The following C2orf92 variants were observed in gnomAD, a reference collection of about 807,000 sequenced individuals.
C2orf92 encodes uncharacterized protein C2orf92.
At chr2:97,669,225 T>G (rs1411161788), upstream of C2orf92, 3 of 152,350 alleles carry the variant, frequency 2.0e-5, no homozygotes, top group East Asian at 5.8e-4. Flanking sequence ...TCAATTGGTC[T>G]ATGCTATTTT....
chr2:97,698,186 T>G (rs933672497), intron 5 of C2orf92: 2 of 152,222 alleles, frequency 1.3e-5, no homozygotes, highest in African/African-American at 4.8e-5. Context: ...CCAAACAGAT[T>G]TCCCTGGAGC....
intron 5 of C2orf92, among the ~76,000 whole-genome samples, chr2:97,694,789 A>T (rs1258812172): frequency 6.6e-6 from 1 of 151,920 alleles, no homozygotes; most frequent in Non-Finnish European, 1.5e-5. Flanking sequence ...TTTGGTTTTA[A>T]TTTTCTGAGG....
intron 3 of C2orf92, among the ~76,000 whole-genome samples, chr2:97,682,734 T>C (rs1021130644): frequency 2.0e-5 from 3 of 151,554 alleles, no homozygotes; most frequent in South Asian, 2.1e-4. Flanking sequence ...GATGCAGATA[T>C]AGCATTTGAC....
intron 3 of C2orf92, among the ~76,000 whole-genome samples, chr2:97,679,338 C>G (rs1428197827): frequency 4.6e-5 from 7 of 152,088 alleles, no homozygotes; most frequent in Non-Finnish European, 1.0e-4. Flanking sequence ...AAGATAGACT[C>G]TGTAATAACA....
intron 3 of C2orf92, among the ~76,000 whole-genome samples, chr2:97,685,220 C>T (rs899318113): frequency 5.3e-5 from 8 of 151,078 alleles, no homozygotes; most frequent in South Asian, 4.2e-4. Context: ...TGAGCCACCA[C>T]GCCCGGCCTA....
intron 3 of C2orf92, among the ~76,000 whole-genome samples, chr2:97,679,190 G>C (rs1234599242): frequency 6.6e-6 from 1 of 151,458 alleles, no homozygotes; most frequent in African/African-American, 2.4e-5. Context: ...AAAAAATGCT[G>C]GTAAAGGTAA....
chr2:97,691,813 A>G (rs1676147616), intron 5 of C2orf92, among the ~76,000 whole-genome samples: 3 of 152,098 alleles, frequency 2.0e-5, no homozygotes, highest in Admixed American at 2.0e-4. Context: ...GCTTGAACCC[A>G]GGAGGCAGAG....
At chr2:97,696,991 G>A (rs957847538) in intron 5 of C2orf92, among the ~76,000 whole-genome samples, 1 of 152,192 alleles carries the variant, frequency 6.6e-6, no homozygotes, top group African/African-American at 2.4e-5. Context: ...TCATGAAGAT[G>A]AAAGACTTCA....
intron 4 of C2orf92, among the ~76,000 whole-genome samples, chr2:97,689,685 G>A (rs957712228): frequency 6.6e-6 from 1 of 152,204 alleles, no homozygotes; most frequent in African/African-American, 2.4e-5. Context: ...CAATTCCTGA[G>A]GGTAGTTTCC....
At chr2:97,676,433 C>CAAA (rs1302287547) in intron 3 of C2orf92, among the ~76,000 whole-genome samples, 14 of 31,116 alleles carry the variant, frequency 4.5e-4, no homozygotes, top group African/African-American at 2.1e-3. Context: ...GACTCCATCT[C>CAAA]AAAAAAAAAA....
chr2:97,665,701 C>G, upstream of C2orf92: 1 of 80,116 alleles, frequency 1.2e-5, no homozygotes, highest in Non-Finnish European at 2.1e-5. Context: ...GACTCTCTCT[C>G]TCTCTCTCTC....
chr2:97,692,613 T>C (rs1676175249), intron 5 of C2orf92, among the ~76,000 whole-genome samples: 1 of 152,160 alleles, frequency 6.6e-6, no homozygotes, highest in South Asian at 2.1e-4. Flanking sequence ...TTTCACCATG[T>C]TGGCCAGGCT....
intron 3 of C2orf92, among the ~76,000 whole-genome samples, chr2:97,687,113 T>C (rs1675988047): frequency 6.6e-6 from 1 of 151,616 alleles, no homozygotes; most frequent in African/African-American, 2.4e-5. Context: ...GCCTGTAATT[T>C]CAACACTTTG....
intron 5 of C2orf92, 23 bp from the exon 6 acceptor site, chr2:97,699,003 T>C (rs1676406555): frequency 2.5e-6 from 1 of 398,396 alleles, no homozygotes; most frequent in African/African-American, 2.1e-5. Context: ...TGTTTGTAGA[T>C]GAACACATTT....
intron 3 of C2orf92, among the ~76,000 whole-genome samples, chr2:97,678,209 A>G (rs1675645629): frequency 6.7e-6 from 1 of 149,946 alleles, no homozygotes; most frequent in South Asian, 2.1e-4. Flanking sequence ...CAAAAAAATA[A>G]AAAAAAAAAG....
chr2:97,701,549 C>G (rs1676498019), intron 7 of C2orf92, among the ~76,000 whole-genome samples: 1 of 152,218 alleles, frequency 6.6e-6, no homozygotes, highest in Non-Finnish European at 1.5e-5. Context: ...AGGGTTGCCT[C>G]TCAAGGCCAC....
At position 97,702,941 on chromosome 2, in the gene C2orf92, A is replaced by G. The variant is rs1348055435; in HGVS notation, c.*140A>G. 7.6e-6 allele frequency: 3 copies of G among 395,562 alleles called. No individual in the cohort carries two copies. Among genetic ancestry groups the G allele is most frequent in the African/African-American group, 6.2e-5 (3 of 48,578 alleles). 24.5% of individuals were successfully genotyped at this position (395,562 alleles called of 1,614,324 possible). On this transcript the variant is annotated 3_prime_UTR_variant, in exon 8 of 8. Coordinates refer to ENST00000627399, the MANE Select transcript of C2orf92 (RefSeq NM_001351368.2). ...ACGTCTGCTTCCCATCCCAATTTGA[A>G]TGGACCAAGAAAAACTGCTTTACCA...
intron 3 of C2orf92, among the ~76,000 whole-genome samples, chr2:97,683,864 C>CT (rs199568664): frequency 3.9e-4 from 58 of 148,060 alleles, no homozygotes; most frequent in Middle Eastern, 3.5e-3. Context: ...TTTTTCTTTT[C>CT]TTTTTTTTTT....
At chr2:97,684,434 G>T (rs117172817) in intron 3 of C2orf92, among the ~76,000 whole-genome samples, 1 of 152,282 alleles carries the variant, frequency 6.6e-6, no homozygotes, top group East Asian at 1.9e-4. Context: ...ACAGGCAAAA[G>T]AATGAAGCTA....
Sources: allele counts gnomAD v4.1 joint callset (sites outside exome capture counted in the v4.1 genomes callset), GRCh38; gene constraint gnomAD v4.1.1; transcripts MANE v1.5; gene names NCBI Gene and HGNC (gene_info 2026-07-23, HGNC 2026-07-21).